CHPF: variants seen among roughly 807,000 people sequenced by gnomAD.
CHPF encodes the protein chondroitin polymerizing factor, also known as chondroitin polymerizing factor, non-catalytic subunit.
Under a neutral mutation model 55.1 loss-of-function variants are expected in CHPF, and 34 were observed. That is an observed-to-expected ratio of 0.62 (90% confidence interval 0.47 to 0.82). The LOEUF (loss-of-function observed/expected upper bound fraction) is 0.82. Ranked by LOEUF, CHPF falls within the 40% of genes least tolerant of loss-of-function variation. CHPF has a pLI of 0.00. For missense variants in CHPF, 961 were observed against 1,106.1 expected, an observed-to-expected ratio of 0.87 and a Z score of 1.86; for synonymous variants, 489 against 496.6, an observed-to-expected ratio of 0.98 and a Z score of 0.20.
At position 219,541,603 on chromosome 2, in the gene CHPF, C is replaced by G. The variant is rs774914736; in HGVS notation, c.888+13G>C. 1 of 1,540,294 alleles carries G rather than the reference C, an allele frequency of 6.5e-7. No homozygotes were observed. Among genetic ancestry groups the G allele is most frequent in the African/African-American group, 1.4e-5 (1 of 73,288 alleles). ...TGACAAGGAGGTATCAGTGGGATAGCTTATCATCCCACCTCGTGGTCACCA... is the reference window on the plus strand; with the variant it reads ...TGACAAGGAGGTATCAGTGGGATAGGTTATCATCCCACCTCGTGGTCACCA... On this transcript the variant is annotated intron_variant, in intron 2 of 3. Coordinates refer to ENST00000243776, the MANE Select transcript of CHPF (RefSeq NM_024536.6).
chr2:219,541,887 G>A lies in CHPF; in HGVS notation c.617C>T (p.Ala206Val), dbSNP rs1271047427. Reference sequence around the variant, plus strand: ...GCCAGTTAGGCGTGCCAGGCCGTGCGCCTCGGTGTAGGTGGTGTCAGGCAC... The same window carrying A: ...GCCAGTTAGGCGTGCCAGGCCGTGCACCTCGGTGTAGGTGGTGTCAGGCAC... ...FLVPDTTYTE[A>V]HGLARLTGHL... The change falls in exon 2 of 4, where the codon GCG becomes GTG. Residue 206 changes from alanine (A) to valine (V), a missense_variant. Physicochemically the swap from Ala to Val is moderately conservative, Grantham distance 64. Around this residue, in one of 3 missense-constraint regions of CHPF, gnomAD observed 936 missense variants for 1,058.4 expected, o/e 0.88. Coordinates refer to ENST00000243776, the MANE Select transcript of CHPF (RefSeq NM_024536.6). The A allele has an allele frequency of 1.2e-6, 2 of 1,613,310 alleles. No individual in the cohort carries two copies. The highest frequency in any genetic ancestry group is 1.7e-6 in the Non-Finnish European group (2 of 1,179,816).
rs1178142740 is a variant in CHPF at position 219,542,095 on chromosome 2, C to T, written c.409G>A (p.Val137Met). 8 of 1,571,946 alleles carry T rather than the reference C, an allele frequency of 5.1e-6. No individual in the cohort carries two copies. Among genetic ancestry groups the T allele is most frequent in the South Asian group, 1.1e-5 (1 of 87,352 alleles). Residue 137 changes from valine to methionine, a missense_variant, in exon 2 of 4, where the codon GTG becomes ATG. Val to Met is a conservative substitution (Grantham distance 21). Around this residue, in one of 3 missense-constraint regions of CHPF, gnomAD observed 936 missense variants for 1,058.4 expected, o/e 0.88. Transcript: ENST00000243776. ...AGCCGGTGCCCCAGCGTGCGGTTCA[C>T]GGCCACGCCCAGCGTGGGCAGCGTG... is the stretch of plus-strand genomic sequence containing the variant. ...QTTLPTLGVA[V>M]NRTLGHRLER...
intron 1 of CHPF, among the ~76,000 whole-genome samples, chr2:219,542,401 A>G (rs998680009): frequency 2.0e-5 from 3 of 152,292 alleles, no homozygotes; most frequent in Admixed American, 6.5e-5. Flanking sequence ...GGAGATGGCA[A>G]TACCCACCCA....
In CHPF at chr2:219,539,731, T is replaced by G. The variant is rs1238776859; in HGVS notation, c.1980A>C (p.Pro660=). 1 of 1,613,460 alleles carries G rather than the reference T, an allele frequency of 6.2e-7. No homozygotes were observed. The highest frequency in any genetic ancestry group is 1.1e-5 in the South Asian group (1 of 91,078). The change falls in exon 4 of 4, where the codon CCA becomes CCC. Residue 660 remains proline, a synonymous_variant. Transcript: ENST00000243776. Reference sequence around the variant, plus strand: ...AGCGGCCAGTGTCACGGCCCAGCTCTGGGGGCCCAGGCCCTTGTGGTGGGG... The same window carrying G: ...AGCGGCCAGTGTCACGGCCCAGCTCGGGGGGCCCAGGCCCTTGTGGTGGGG... ...AVAPPQGPGP[P]ELGRDTGRFD...
chr2:219,540,586 C>G lies in CHPF; in HGVS notation c.1125G>C (p.Trp375Cys). The change falls in exon 4 of 4, where the codon TGG becomes TGC. Residue 375 changes from tryptophan to cysteine, a missense_variant. Physicochemically the swap from Trp to Cys is radical, Grantham distance 215. This residue lies in a region of CHPF where 936 missense variants were observed against 1,058.4 expected (regional missense o/e 0.88). Transcript: ENST00000243776. ...LAVDGDQAAA[W>C]PVGIPAPSRP... is the part of the protein sequence containing the mutation. ...GGGATGGTGCTGGAATACCCACGGG[C>G]CAAGCAGCTGCCTGGTCCCCATCAA... 2 of 1,612,710 alleles carry G rather than the reference C, an allele frequency of 1.2e-6. No individual in the cohort carries two copies. Among genetic ancestry groups the G allele is most frequent in the Non-Finnish European group, 1.7e-6 (2 of 1,179,556 alleles).
chr2:219,539,619 C>T lies in CHPF; in HGVS notation c.2092G>A (p.Glu698Lys), dbSNP rs143750392. Residue 698 changes from glutamate to lysine, a missense_variant, in exon 4 of 4, where the codon GAA becomes AAA. Glu to Lys is a moderately conservative substitution (Grantham distance 56). Coordinates refer to ENST00000243776, the MANE Select transcript of CHPF (RefSeq NM_024536.6). Reference protein sequence around the residue: ...RGRLAAASEQEEELLESLDVY... With the variant: ...RGRLAAASEQKEELLESLDVY... ...TCCAGGCTCTCCAGCAGCTCCTCTT[C>T]TTGTTCTGAGGCTGCCGCCAGGCGC... 353 of 1,613,938 alleles carry T rather than the reference C, an allele frequency of 2.2e-4. 1 individual carries two copies. The highest frequency in any genetic ancestry group is 5.3e-4 in the Admixed American group (32 of 60,034).
In CHPF at chr2:219,541,667, C is replaced by T. The variant is rs1695271439; in HGVS notation, c.837G>A (p.Leu279=). 6.2e-7 allele frequency: 1 copy of T among 1,604,604 alleles called. No individual in the cohort carries two copies. Among genetic ancestry groups the T allele is most frequent in the East Asian group, 2.2e-5 (1 of 44,618 alleles). The stretch of plus-strand genomic sequence containing the variant: ...CGGTGGCATCGAGAATGCAGCGACC[C>T]AGCCACTCGTCAGGGCGCGCACTGA... ...DIVSARPDEW[L]GRCILDATGV... The change falls in exon 2 of 4, where the codon CTG becomes CTA. Residue 279 remains leucine, a synonymous_variant. Transcript: ENST00000243776.
At chr2:219,543,178 T>C in intron 1 of CHPF, 47 bp downstream of exon 1, 1 of 1,233,078 alleles carries the variant, frequency 8.1e-7, no homozygotes, top group South Asian at 1.7e-5. Flanking sequence ...CCCCGCGCGC[T>C]TCCCGGCCGC....
chr2:219,543,578 A>G lies in CHPF; in HGVS notation c.-40T>C. ...GGGTCCCCGGCCCCGGCGAACCCCC[A>G]GAGCAGCCAGAGGAGTCTCCGAGGG... is the stretch of plus-strand genomic sequence containing the variant. On this transcript the variant is annotated 5_prime_UTR_variant, in exon 1 of 4. Transcript: ENST00000243776. 1 of 1,309,388 alleles carries G rather than the reference A, an allele frequency of 7.6e-7. No homozygotes were observed. Among genetic ancestry groups the G allele is most frequent in the Non-Finnish European group, 9.7e-7 (1 of 1,029,654 alleles). The allele number at this position is 1,309,388 out of a possible 1,614,324, so 81.1% of individuals were successfully genotyped here.
chr2:219,543,588 G>C lies in CHPF; in HGVS notation c.-50C>G. The C allele has an allele frequency of 7.7e-7, 1 of 1,290,634 alleles. No homozygotes were observed. The highest frequency in any genetic ancestry group is 9.8e-7 in the Non-Finnish European group (1 of 1,016,216). The allele number at this position is 1,290,634 out of a possible 1,614,324, so 79.9% of individuals were successfully genotyped here. A position where few individuals can be genotyped will look rare whatever the true frequency, so the allele number is the denominator to read the frequency against. On this transcript the variant is annotated 5_prime_UTR_variant, in exon 1 of 4. Transcript: ENST00000243776. Reference sequence around the variant, plus strand: ...CCCCGGCGAACCCCCAGAGCAGCCAGAGGAGTCTCCGAGGGGGCGGGACCG... The same window carrying C: ...CCCCGGCGAACCCCCAGAGCAGCCACAGGAGTCTCCGAGGGGGCGGGACCG...
At chr2:219,540,753 C>A in intron 3 of CHPF, 111 bp from the exon 4 acceptor site, 1 of 1,280,764 alleles carries the variant, frequency 7.8e-7, no homozygotes. Context: ...TCATCCCCTG[C>A]CAACCTCTGC....
At chr2:219,541,429 ATTTCCATTGGCACAAAGG>A in intron 2 of CHPF, 169 bp downstream of exon 2, 1 of 575,090 alleles carries the variant, frequency 1.7e-6, no homozygotes, top group Non-Finnish European at 2.9e-6. Context: ...AGCAATAATT[ATTTCCATTGGCACAAAGG>A]AAGATACTGA....
chr2:219,539,387 G>A lies in CHPF; in HGVS notation c.2324C>T (p.Thr775Ile). ...GCCCACGGGGACAGGGTGGGGTCAG[G>A]TGCTGTTGCCCTGCTCCTGTTCAAA... ...LLFEQEQGNS[T>I] The change falls in exon 4 of 4, where the codon ACC (threonine) becomes ATC (isoleucine). Residue 775 changes from threonine (T) to isoleucine (I), a missense_variant. By Grantham distance (89) the Thr-to-Ile change is moderately conservative. This residue lies in a region of CHPF where 936 missense variants were observed against 1,058.4 expected (regional missense o/e 0.88). Coordinates refer to ENST00000243776, the MANE Select transcript of CHPF (RefSeq NM_024536.6). The A allele has an allele frequency of 6.3e-7, 1 of 1,595,234 alleles. No homozygotes were observed. Among genetic ancestry groups the A allele is most frequent in the Non-Finnish European group, 8.6e-7 (1 of 1,166,740 alleles).
At position 219,539,586 on chromosome 2, in the gene CHPF, C is replaced by T. The variant is rs199953235; in HGVS notation, c.2125G>A (p.Glu709Lys). Residue 709 changes from glutamate to lysine, a missense_variant, in exon 4 of 4, where the codon GAG becomes AAG. Physicochemically the swap from Glu to Lys is moderately conservative, Grantham distance 56. Transcript: ENST00000243776. ...EELLESLDVY[E>K]LFLHFSSLHV... Reference sequence around the variant, plus strand: ...AGACTGGAGAAGTGGAGGAACAGCTCGTACACATCCAGGCTCTCCAGCAGC... The same window carrying T: ...AGACTGGAGAAGTGGAGGAACAGCTTGTACACATCCAGGCTCTCCAGCAGC... 11 of 1,613,804 alleles carry T rather than the reference C, an allele frequency of 6.8e-6. No individual in the cohort carries two copies. The highest frequency in any genetic ancestry group is 1.6e-4 in the Middle Eastern group (1 of 6,084).
chr2:219,540,586 C>T lies in CHPF; in HGVS notation c.1125G>A (p.Trp375Ter). ...GGGATGGTGCTGGAATACCCACGGG[C>T]CAAGCAGCTGCCTGGTCCCCATCAA... ...LAVDGDQAAA[W>*]PVGIPAPSRP... Residue 375 changes from tryptophan (W) to a stop codon, truncating the protein, a stop_gained, in exon 4 of 4, where the codon TGG becomes TGA. Coordinates refer to ENST00000243776, the MANE Select transcript of CHPF (RefSeq NM_024536.6). LOFTEE classifies it high-confidence loss of function. 1 of 1,612,710 alleles carries T rather than the reference C, an allele frequency of 6.2e-7. No individual in the cohort carries two copies.
Position 219,543,497 on chromosome 2 carries a change from C to T in CHPF, c.42G>A (p.Gly14=). The T allele has an allele frequency of 1.5e-6, 2 of 1,377,616 alleles. No homozygotes were observed. The highest frequency in any genetic ancestry group is 1.9e-6 in the Non-Finnish European group (2 of 1,071,770). 85.3% of individuals were successfully genotyped at this position (1,377,616 alleles called of 1,614,324 possible). A position where few individuals can be genotyped will look rare whatever the true frequency, so the allele number is the denominator to read the frequency against. ...SLLLSVLRPA[G]PVAVGISLGF... ...CCAGGGAGATGCCCACGGCCACGGGCCCTGCGGGCCGCAGCACCGACAGCA... is the reference window on the plus strand; with the variant it reads ...CCAGGGAGATGCCCACGGCCACGGGTCCTGCGGGCCGCAGCACCGACAGCA... The change falls in exon 1 of 4, where the codon GGG becomes GGA. Residue 14 remains glycine, a synonymous_variant. Transcript: ENST00000243776.
rs760939466 is a variant in CHPF at position 219,539,868 on chromosome 2, C to T, written c.1843G>A (p.Gly615Arg). ...HPLDTLFLLAGPDTVLTPDFL... is the reference protein window; with the variant it reads ...HPLDTLFLLARPDTVLTPDFL... ...TCAGGCGTGAGCACCGTGTCTGGCC[C>T]GGCCAGCAGGAACAGTGTGTCCAGC... The change falls in exon 4 of 4, where the codon GGG (glycine) becomes AGG (arginine). Residue 615 changes from glycine to arginine, a missense_variant. Coordinates refer to ENST00000243776, the MANE Select transcript of CHPF (RefSeq NM_024536.6). 21 of 1,613,572 alleles carry T rather than the reference C, an allele frequency of 1.3e-5. No homozygotes were observed. Among genetic ancestry groups the T allele is most frequent in the South Asian group, 6.6e-5 (6 of 91,088 alleles).
Position 219,541,647 on chromosome 2 carries a change from G to A in CHPF, c.857C>T (p.Ala286Val), listed in dbSNP as rs1041227081. Residue 286 changes from alanine to valine, a missense_variant, in exon 2 of 4, where the codon GCC becomes GTC. Transcript: ENST00000243776. The part of the protein sequence containing the change: ...DEWLGRCILD[A>V]TGVGCTGDHE... ...GTCACCAGTGCAGCCCACCCCGGTG[G>A]CATCGAGAATGCAGCGACCCAGCCA... is the stretch of plus-strand genomic sequence containing the variant. The A allele has an allele frequency of 2.2e-5, 35 of 1,593,048 alleles. No homozygotes were observed. Among genetic ancestry groups the A allele is most frequent in the Non-Finnish European group, 2.8e-5 (33 of 1,166,868 alleles).
rs767271435 is a variant in CHPF at position 219,539,611 on chromosome 2, C to G, written c.2100G>C (p.Glu700Asp). 6.2e-7 allele frequency: 1 copy of G among 1,613,894 alleles called. No individual in the cohort carries two copies. The change falls in exon 4 of 4, where the codon GAG (glutamate) becomes GAC (aspartate). Residue 700 changes from glutamate to aspartate, a missense_variant. Around this residue, in one of 3 missense-constraint regions of CHPF, gnomAD observed 936 missense variants for 1,058.4 expected, o/e 0.88. Coordinates refer to ENST00000243776, the MANE Select transcript of CHPF (RefSeq NM_024536.6). Reference sequence around the variant, plus strand: ...CGTACACATCCAGGCTCTCCAGCAGCTCCTCTTCTTGTTCTGAGGCTGCCG... The same window carrying G: ...CGTACACATCCAGGCTCTCCAGCAGGTCCTCTTCTTGTTCTGAGGCTGCCG... The part of the protein sequence containing the change: ...RLAAASEQEE[E>D]LLESLDVYEL...
Sources: allele counts gnomAD v4.1 joint callset (sites outside exome capture counted in the v4.1 genomes callset), GRCh38; gene constraint gnomAD v4.1.1; regional missense constraint gnomAD v4.1.1; transcripts MANE v1.5; gene names NCBI Gene and HGNC (gene_info 2026-07-23, HGNC 2026-07-21).